Variants in BATF observed in about 807,000 individuals in gnomAD.
BATF encodes basic leucine zipper ATF-like transcription factor.
A neutral mutation model predicts 13.7 loss-of-function variants in BATF; 5 were observed. The observed-to-expected ratio is 0.36, with a 90% confidence interval of 0.19 to 0.77. The LOEUF is 0.77. Ranked by LOEUF, BATF falls within the 30% of genes least tolerant of loss-of-function variation. BATF has a pLI of 0.51. For missense variants in BATF, 124 were observed against 163.0 expected (o/e 0.76, Z 1.30); for synonymous variants, 72 against 67.5 (o/e 1.07, Z -0.33).
At chr14:75,537,058 T>C (rs1183050922) in intron 2 of BATF, among the ~76,000 whole-genome samples, 1 of 152,240 alleles carries the variant, frequency 6.6e-6, no homozygotes, top group African/African-American at 2.4e-5. Flanking sequence ...TCTGGTTGCT[T>C]ATAAACTCTT....
At chr14:75,527,869 G>T (rs1006089401) in intron 2 of BATF, among the ~76,000 whole-genome samples, 1 of 152,194 alleles carries the variant, frequency 6.6e-6, no homozygotes, top group Non-Finnish European at 1.5e-5. Flanking sequence ...AGGTCGCAGC[G>T]GAGTTGATGC....
intron 2 of BATF, among the ~76,000 whole-genome samples, chr14:75,540,005 T>A (rs972609317): frequency 6.6e-6 from 1 of 152,118 alleles, no homozygotes; most frequent in Non-Finnish European, 1.5e-5. Flanking sequence ...TAAGTGTAGG[T>A]GGGAGCCAAA....
rs1044030551 is a variant in BATF at position 75,531,152 on chromosome 14, G to A, written c.168+5964G>A. 3.3e-5 allele frequency among the ~76,000 whole-genome samples: 5 copies of A among 152,216 alleles called. No individual in the cohort carries two copies. In the East Asian group the frequency reaches 9.6e-4, roughly 29 times the overall value. ...GTATTCAATCTTGACGTTATCTTTT[G>A]AACATCATACATAAATATCTCAGCC... On this transcript the variant is annotated intron_variant, in intron 2 of 2. Coordinates refer to ENST00000286639, the MANE Select transcript of BATF (RefSeq NM_006399.5).
In BATF at chr14:75,539,424, A is replaced by ATTTTTTTTTTT. The variant is rs1162218076; in HGVS notation, c.169-7021_169-7011dup. On this transcript the variant is annotated intron_variant, in intron 2 of 2. Transcript: ENST00000286639. Reference sequence around the variant, plus strand: ...TAGCTACAAGGTAAGGTAAGCTGGAATTTTTTTTTTTTTTTTTTTTTTTTT... The same window carrying ATTTTTTTTTTT: ...TAGCTACAAGGTAAGGTAAGCTGGAATTTTTTTTTTTTTTTTTTTTTTTTTTTTTTTTTTTT... Among the ~76,000 whole-genome samples the ATTTTTTTTTTT allele has an allele frequency of 4.4e-3, 258 of 58,546 alleles. 57 individuals are homozygous for ATTTTTTTTTTT. Among genetic ancestry groups the ATTTTTTTTTTT allele is most frequent in the African/African-American group, 0.014 (194 of 14,086 alleles). 38.4% of individuals were successfully genotyped at this position (58,546 alleles called of 152,430 possible).
At position 75,528,612 on chromosome 14, in the gene BATF, C is replaced by A. The variant is rs79556384; in HGVS notation, c.168+3424C>A. 6.1e-3 allele frequency among the ~76,000 whole-genome samples: 933 copies of A among 152,344 alleles called. 36 individuals are homozygous for A. In the East Asian group the frequency reaches 0.12, roughly 20 times the overall value. On this transcript the variant is annotated intron_variant, in intron 2 of 2. Transcript: ENST00000286639. ...TTCTCCTTTTGTTGAGCATCTCACACAAGCACCCTGCACACTTAGTTCCTT... is the reference window on the plus strand; with the variant it reads ...TTCTCCTTTTGTTGAGCATCTCACAAAAGCACCCTGCACACTTAGTTCCTT...
chr14:75,546,408 C>T (rs1887986297), intron 2 of BATF, 54 bp from the exon 3 acceptor site: 50 of 1,589,020 alleles, frequency 3.1e-5, no homozygotes, highest in Non-Finnish European at 4.3e-5. Context: ...GCACCCCACC[C>T]ACCTTGCCTC....
intron 2 of BATF, among the ~76,000 whole-genome samples, chr14:75,541,698 G>C (rs2080255): frequency 1 from 152,257 of 152,344 alleles, 76,086 homozygotes; most frequent in Middle Eastern, 1. Flanking sequence ...GAGTCTTGCT[G>C]GGTTGCCCAG....
At chr14:75,545,427 G>C (rs867343852) in intron 2 of BATF, among the ~76,000 whole-genome samples, 3 of 145,374 alleles carry the variant, frequency 2.1e-5, no homozygotes, top group Admixed American at 6.8e-5. Flanking sequence ...TAGAGACAGG[G>C]TTTCACCATG....
At chr14:75,526,082 T>G (rs1433893163) in intron 2 of BATF, among the ~76,000 whole-genome samples, 1 of 152,178 alleles carries the variant, frequency 6.6e-6, no homozygotes, top group Non-Finnish European at 1.5e-5. Flanking sequence ...AGAGAAAGCT[T>G]TTACCTCTGT....
At chr14:75,539,424 ATTTTTTTTTT>A (rs1162218076) in intron 2 of BATF, among the ~76,000 whole-genome samples, 11 of 58,544 alleles carry the variant, frequency 1.9e-4, no homozygotes, top group East Asian at 6.8e-4. Context: ...GTAAGCTGGA[ATTTTTTTTTT>A]TTTTTTTTTT....
rs35791450 is a variant in BATF at position 75,545,388 on chromosome 14, A to ATTTTTT, written c.169-1058_169-1053dup. On this transcript the variant is annotated intron_variant, in intron 2 of 2. Coordinates refer to ENST00000286639, the MANE Select transcript of BATF (RefSeq NM_006399.5). ...AGGTGTGCACCACCACGCCTGGTTA[A>ATTTTTT]TTTTTTTTTTTTTTTTTTTTTGTAT... Among the ~76,000 whole-genome samples the ATTTTTT allele has an allele frequency of 2.7e-3, 286 of 105,172 alleles. 2 individuals carry two copies. The highest frequency in any genetic ancestry group is 0.011 in the African/African-American group (276 of 25,880). The allele number at this position is 105,172 out of a possible 152,430, so 69.0% of individuals were successfully genotyped here.
intron 2 of BATF, among the ~76,000 whole-genome samples, chr14:75,534,211 A>T (rs1487198875): frequency 6.6e-6 from 1 of 152,270 alleles, no homozygotes; most frequent in East Asian, 1.9e-4. Context: ...TTTAATATTT[A>T]TGCTACAGAA....
chr14:75,532,244 C>T (rs1040591072), intron 2 of BATF, among the ~76,000 whole-genome samples: 2 of 152,180 alleles, frequency 1.3e-5, no homozygotes, highest in African/African-American at 4.8e-5. Flanking sequence ...ATGTATTCAT[C>T]TTCCCTAACC....
chr14:75,537,576 A>G (rs945424474), intron 2 of BATF, among the ~76,000 whole-genome samples: 4 of 152,202 alleles, frequency 2.6e-5, no homozygotes, highest in African/African-American at 7.2e-5. Context: ...ATGGTAAGGA[A>G]ACGAAACGGT....
intron 2 of BATF, among the ~76,000 whole-genome samples, chr14:75,532,041 T>A (rs140789903): frequency 1.3e-5 from 2 of 152,262 alleles, no homozygotes; most frequent in Non-Finnish European, 2.9e-5. Flanking sequence ...CAAACGACTA[T>A]GTATTAACCA....
chr14:75,537,779 AT>A (rs1887839531), intron 2 of BATF, among the ~76,000 whole-genome samples: 2 of 151,950 alleles, frequency 1.3e-5, no homozygotes, highest in Non-Finnish European at 2.9e-5. Flanking sequence ...ATTTTTTAAT[AT>A]TATACTATAA....
intron 2 of BATF, among the ~76,000 whole-genome samples, chr14:75,533,691 C>T (rs1887773672): frequency 6.6e-6 from 1 of 152,132 alleles, no homozygotes; most frequent in Non-Finnish European, 1.5e-5. Flanking sequence ...ATAAAGGCCC[C>T]TTCAGATTGT....
At chr14:75,545,435 A>G (rs1323526397) in intron 2 of BATF, among the ~76,000 whole-genome samples, 2 of 126,696 alleles carry the variant, frequency 1.6e-5, no homozygotes, top group Non-Finnish European at 3.2e-5. Context: ...GGGTTTCACC[A>G]TGTTGGCCAG....
At chr14:75,531,969 G>A (rs1345964304) in intron 2 of BATF, among the ~76,000 whole-genome samples, 1 of 152,170 alleles carries the variant, frequency 6.6e-6, no homozygotes, top group Non-Finnish European at 1.5e-5. Context: ...TATGGAAAGA[G>A]ATGCGACCCT....
Sources: gnomAD v4.1 joint callset for allele counts (sites outside exome capture counted in the v4.1 genomes callset) on GRCh38, gnomAD v4.1.1 for gene constraint, MANE v1.5 for transcripts, NCBI Gene and HGNC (gene_info 2026-07-23, HGNC 2026-07-21) for gene names.